The following MAML2 variants were observed in gnomAD, a reference collection of about 807,000 sequenced individuals.
MAML2 encodes the protein mastermind like transcriptional coactivator 2, also known as mastermind-like protein 2.
In MAML2, 22 loss-of-function variants were observed where a neutral mutation model predicts 96.1. The ratio of observed to expected loss-of-function variants is 0.23; its 90% CI spans 0.16 to 0.33. The LOEUF (loss-of-function observed/expected upper bound fraction) is 0.33, where lower values mean the gene tolerates loss of function less well. Ranked by LOEUF, MAML2 falls within the 10% of genes least tolerant of loss-of-function variation. MAML2 has a pLI of 1.00. For synonymous variants in MAML2, 561 were observed against 521.3 expected (o/e 1.08, Z -1.04); for missense variants, 1,367 against 1,392.4 (o/e 0.98, Z 0.29).
intron 1 of MAML2, among the ~76,000 whole-genome samples, chr11:96,128,871 T>C (rs1200988120): frequency 6.6e-6 from 1 of 152,148 alleles, no homozygotes; most frequent in Non-Finnish European, 1.5e-5. Flanking sequence ...GCAGGTGGCA[T>C]TGACGAAAAA....
At position 96,064,958 on chromosome 11, in the gene MAML2, G is replaced by A. The variant is rs552558676; in HGVS notation, c.2139+26934C>T. ...AACTCTAAGTGTAGAATAAAAGTTAGAAGTTTAAAAGTGATTAGAATTCAT... is the reference window on the plus strand; with the variant it reads ...AACTCTAAGTGTAGAATAAAAGTTAAAAGTTTAAAAGTGATTAGAATTCAT... On this transcript the variant is annotated intron_variant, in intron 2 of 4. Coordinates refer to ENST00000524717, the MANE Select transcript of MAML2 (RefSeq NM_032427.4). 6.5e-4 allele frequency among the ~76,000 whole-genome samples: 99 copies of A among 152,252 alleles called. 1 individual carries two copies. The South Asian group carries it at 0.011, about 17-fold the overall frequency.
chr11:96,232,932 C>T (rs1591086501), intron 1 of MAML2, among the ~76,000 whole-genome samples: 1 of 152,184 alleles, frequency 6.6e-6, no homozygotes, highest in African/African-American at 2.4e-5. Context: ...AGAAATCAGC[C>T]TTCTTATTTA....
chr11:96,038,249 G>GTTTGT (rs1294331632), intron 2 of MAML2, among the ~76,000 whole-genome samples: 1 of 152,096 alleles, frequency 6.6e-6, no homozygotes, highest in African/African-American at 2.4e-5. Flanking sequence ...TTGTTTGCTT[G>GTTTGT]TTTGTTTTAC....
chr11:96,090,491 C>T (rs913233909), intron 2 of MAML2, among the ~76,000 whole-genome samples: 1 of 152,156 alleles, frequency 6.6e-6, no homozygotes, highest in Admixed American at 6.5e-5. Context: ...ACAGCTAAGA[C>T]TGTCAGAGTA....
intron 1 of MAML2, among the ~76,000 whole-genome samples, chr11:96,306,023 C>A (rs894200165): frequency 4.6e-5 from 7 of 152,106 alleles, no homozygotes; most frequent in Admixed American, 1.3e-4. Flanking sequence ...TCTTGTTATG[C>A]TGCAAGACGT....
Position 96,092,781 on chromosome 11 carries a change from C to G in MAML2, c.1250G>C (p.Gly417Ala). The G allele has an allele frequency of 1.2e-6, 2 of 1,612,788 alleles. No individual in the cohort carries two copies. The highest frequency in any genetic ancestry group is 1.7e-6 in the Non-Finnish European group (2 of 1,179,166). Residue 417 changes from glycine (G) to alanine (A), a missense_variant, in exon 2 of 5, where the codon GGC becomes GCC. Physicochemically the swap from Gly to Ala is moderately conservative, Grantham distance 60 (BLOSUM62 0). Transcript: ENST00000524717. This position sits in a 1 kb window ranked among gnomAD's most constrained non-coding sequence, Gnocchi z 4.1. ...TGGCAAGGCCCGGCTTGCTCCGGAG[C>G]CTGTCTGAGGCTGAGCCTGGCTCTG... ...VPQSQAQPQT[G>A]SGASRALPSW...
intron 1 of MAML2, among the ~76,000 whole-genome samples, chr11:96,265,719 C>G (rs1006702242): frequency 4.0e-4 from 61 of 152,206 alleles, no homozygotes; most frequent in African/African-American, 1.4e-3. Flanking sequence ...GTGGAACTCA[C>G]CAGCAGGCAC....
chr11:96,086,607 A>G (rs1484138865), intron 2 of MAML2, among the ~76,000 whole-genome samples: 2 of 152,170 alleles, frequency 1.3e-5, no homozygotes, highest in African/African-American at 4.8e-5. Context: ...TTTTTTAAAA[A>G]CTCTGAAAAT....
At position 96,073,161 on chromosome 11, in the gene MAML2, C is replaced by A. The variant is rs181435514; in HGVS notation, c.2139+18731G>T. On this transcript the variant is annotated intron_variant, in intron 2 of 4. Transcript: ENST00000524717. The stretch of plus-strand genomic sequence containing the variant: ...TAATTTAACTGAAGTGTATTACATT[C>A]TTTGTGCTGTAAATCTTTTACTTGT... Among the ~76,000 whole-genome samples the A allele has an allele frequency of 3.0e-4, 45 of 152,232 alleles. 1 individual carries two copies. The highest frequency in any genetic ancestry group is 1.1e-3 in the African/African-American group (44 of 41,542).
intron 1 of MAML2, among the ~76,000 whole-genome samples, chr11:96,310,199 T>A (rs918389375): frequency 6.6e-6 from 1 of 152,108 alleles, no homozygotes; most frequent in Non-Finnish European, 1.5e-5. Context: ...TATAAAAAAA[T>A]AGCTAAAATG....
At position 96,092,780 on chromosome 11, in the gene MAML2, G is replaced by C. The variant is rs762638627; in HGVS notation, c.1251C>G (p.Gly417=). 1 of 1,613,138 alleles carries C rather than the reference G, an allele frequency of 6.2e-7. No homozygotes were observed. The change falls in exon 2 of 5, where the codon GGC becomes GGG. Residue 417 remains glycine (G), a synonymous_variant. Transcript: ENST00000524717. The surrounding 1 kb of genome is among the most constrained non-coding windows in gnomAD (Gnocchi z 4.1). The stretch of plus-strand genomic sequence containing the variant: ...TTGGCAAGGCCCGGCTTGCTCCGGA[G>C]CCTGTCTGAGGCTGAGCCTGGCTCT... ...VPQSQAQPQT[G]SGASRALPSW...
rs573365604 is a variant in MAML2, at chr11:96,295,607, G to C, written c.513+45776C>G. On this transcript the variant is annotated intron_variant, in intron 1 of 4. Transcript: ENST00000524717. Reference sequence around the variant, plus strand: ...AATAGTAATTTAAATATGTAGCCATGTTATTTGATAAAATCCCAACTGAGT... The same window carrying C: ...AATAGTAATTTAAATATGTAGCCATCTTATTTGATAAAATCCCAACTGAGT... Among the ~76,000 whole-genome samples, 3 of 152,062 alleles carry C rather than the reference G, an allele frequency of 2.0e-5. No individual in the cohort carries two copies. The East Asian group carries it at 5.8e-4, about 29-fold the overall frequency.
intron 1 of MAML2, among the ~76,000 whole-genome samples, chr11:96,205,176 G>A (rs545438136): frequency 6.6e-6 from 1 of 152,256 alleles, no homozygotes; most frequent in East Asian, 1.9e-4. Flanking sequence ...ATTGTGCTTT[G>A]AGCAATTACT....
At chr11:96,076,445 CA>C (rs2135793741) in intron 2 of MAML2, among the ~76,000 whole-genome samples, 1 of 73,472 alleles carries the variant, frequency 1.4e-5, no homozygotes, top group South Asian at 5.1e-4. Context: ...CACACACACA[CA>C]CACACACACA....
chr11:96,218,157 A>G (rs1862077387), intron 1 of MAML2, among the ~76,000 whole-genome samples: 3 of 152,234 alleles, frequency 2.0e-5, no homozygotes, highest in Admixed American at 2.0e-4. Context: ...AATGCACTAG[A>G]AAAAACGTTT....
At chr11:96,010,055 G>C (rs954756629) in intron 2 of MAML2, among the ~76,000 whole-genome samples, 22 of 152,082 alleles carry the variant, frequency 1.4e-4, no homozygotes, top group African/African-American at 5.1e-4. Flanking sequence ...ACTGCAAACT[G>C]TAATATGTCT....
intron 1 of MAML2, among the ~76,000 whole-genome samples, chr11:96,301,270 C>T (rs11021527): frequency 0.03 from 4,507 of 152,258 alleles, 220 homozygotes; most frequent in African/African-American, 0.1. Context: ...TGCATTTTAG[C>T]CCAGTTTTTC....
At position 96,092,497 on chromosome 11, in the gene MAML2, T is replaced by C. The variant is rs1859739654; in HGVS notation, c.1534A>G (p.Asn512Asp). Reference protein sequence around the residue: ...GGSGQSKVMANYMYKAGPSAQ... With the variant: ...GGSGQSKVMADYMYKAGPSAQ... ...GAGGGGCCGGCCTTGTACATGTAGTTAGCCATTACTTTCGACTGGCCGCTG... is the reference window on the plus strand; with the variant it reads ...GAGGGGCCGGCCTTGTACATGTAGTCAGCCATTACTTTCGACTGGCCGCTG... The change falls in exon 2 of 5, where the codon AAC (asparagine) becomes GAC (aspartate). Residue 512 changes from asparagine (N) to aspartate (D), a missense_variant. Transcript: ENST00000524717. The surrounding 1 kb of genome is among the most constrained non-coding windows in gnomAD (Gnocchi z 4.1). The C allele has an allele frequency of 6.2e-7, 1 of 1,601,296 alleles. No individual in the cohort carries two copies.
intron 1 of MAML2, among the ~76,000 whole-genome samples, chr11:96,228,463 T>A (rs1862245544): frequency 6.6e-6 from 1 of 152,144 alleles, no homozygotes; most frequent in African/African-American, 2.4e-5. Context: ...CCAAACACTT[T>A]CCCCAAGTCA....
Sources: allele counts gnomAD v4.1 joint callset (sites outside exome capture counted in the v4.1 genomes callset), GRCh38; gene constraint gnomAD v4.1.1; non-coding constraint Gnocchi (gnomAD v3.1); transcripts MANE v1.5; gene names NCBI Gene and HGNC (gene_info 2026-07-23, HGNC 2026-07-21).